The following STK3 variants were observed in gnomAD, a reference collection of about 807,000 sequenced individuals.
STK3 encodes the protein serine/threonine-protein kinase 3.
STK3 carries 41 observed loss-of-function variants against 58.0 expected under a neutral mutation model. The ratio of observed to expected loss-of-function variants is 0.71; its 90% CI spans 0.55 to 0.92. The LOEUF (loss-of-function observed/expected upper bound fraction) is 0.92. Ranked by LOEUF, STK3 falls within the 40% of genes least tolerant of loss-of-function variation. The pLI is 0.00. For missense variants in STK3, 479 were observed against 602.7 expected, an observed-to-expected ratio of 0.79 and a Z score of 2.15; for synonymous variants, 170 against 191.0, an observed-to-expected ratio of 0.89 and a Z score of 0.91.
Position 98,647,291 on chromosome 8 carries a change from A to C in STK3, c.685-51122T>G, listed in dbSNP as rs189304130. 4.6e-5 allele frequency among the ~76,000 whole-genome samples: 7 copies of C among 152,256 alleles called. No homozygotes were observed. In the East Asian group the frequency reaches 1.4e-3, roughly 29 times the overall value. Reference sequence around the variant, plus strand: ...CATATTTAAAATCACAAATTTGTCCACCAAAACTCCCTGTATCCTTCTTAG... The same window carrying C: ...CATATTTAAAATCACAAATTTGTCCCCCAAAACTCCCTGTATCCTTCTTAG... On this transcript the variant is annotated intron_variant, in intron 6 of 10. Coordinates refer to ENST00000419617, the MANE Select transcript of STK3 (RefSeq NM_006281.4).
intron 3 of STK3, among the ~76,000 whole-genome samples, chr8:98,845,556 T>G (rs1281765899): frequency 5.9e-5 from 9 of 152,252 alleles, no homozygotes; most frequent in Non-Finnish European, 1.3e-4. Flanking sequence ...AATCTGATAT[T>G]TTTCCGCTGA....
At chr8:98,910,380 CTT>C in intron 1 of STK3, among the ~76,000 whole-genome samples, 1 of 152,190 alleles carries the variant, frequency 6.6e-6, no homozygotes, top group East Asian at 1.9e-4. Context: ...TTTTTAGTAA[CTT>C]TTAAATATTC....
intron 10 of STK3, among the ~76,000 whole-genome samples, chr8:98,488,549 T>C: frequency 6.6e-6 from 1 of 152,212 alleles, no homozygotes; most frequent in South Asian, 2.1e-4. Flanking sequence ...CCAATGCTAA[T>C]GTTTAGTAGT....
chr8:98,563,895 G>A (rs929087260), intron 8 of STK3, among the ~76,000 whole-genome samples: 1 of 152,242 alleles, frequency 6.6e-6, no homozygotes, highest in East Asian at 1.9e-4. Context: ...AATCTCCTGT[G>A]TAGAAAAAAT....
intron 1 of STK3, among the ~76,000 whole-genome samples, chr8:98,898,539 T>C (rs1398055105): frequency 1.3e-5 from 2 of 152,174 alleles, no homozygotes; most frequent in African/African-American, 2.4e-5. Context: ...CCATAAACTC[T>C]TTTCTCTCTC....
chr8:98,413,075 G>A (rs751224290), intron 3 of STK3: 28 of 244,132 alleles, frequency 1.1e-4, no homozygotes, highest in East Asian at 6.5e-4. Context: ...GTGCAGTGGC[G>A]CGATCTTGGC....
At chr8:98,359,514 C>G in the STK3 span, among the ~76,000 whole-genome samples, 4 of 136,178 alleles carry the variant, frequency 2.9e-5, no homozygotes, top group Admixed American at 2.2e-4. Context: ...CAGAGCCAGA[C>G]TCTGGCTCAA....
chr8:98,586,697 G>T (rs1184858609), intron 7 of STK3, among the ~76,000 whole-genome samples: 2 of 151,942 alleles, frequency 1.3e-5, no homozygotes, highest in East Asian at 1.9e-4. Flanking sequence ...TGTACCTCTG[G>T]TAGAATTAGG....
chr8:98,704,308 C>T (rs1188255751), intron 6 of STK3, among the ~76,000 whole-genome samples: 1 of 152,132 alleles, frequency 6.6e-6, no homozygotes, highest in Non-Finnish European at 1.5e-5. Flanking sequence ...CAGTTCAATA[C>T]TCTACTTTGT....
chr8:98,923,694 A>G (rs963526682), intron 1 of STK3, among the ~76,000 whole-genome samples: 1 of 152,162 alleles, frequency 6.6e-6, no homozygotes, highest in African/African-American at 2.4e-5. Flanking sequence ...AATAAGATGG[A>G]ATACCCTTTA....
intron 3 of STK3, among the ~76,000 whole-genome samples, chr8:98,394,612 G>T (rs746934768): frequency 6.6e-6 from 1 of 152,226 alleles, no homozygotes; most frequent in Non-Finnish European, 1.5e-5. Context: ...TTGGTAGATT[G>T]TGTTTACTTT....
intron 1 of STK3, among the ~76,000 whole-genome samples, chr8:98,897,014 AGAAAG>A: frequency 2.3e-5 from 2 of 87,460 alleles, no homozygotes; most frequent in Admixed American, 3.6e-4. Context: ...ATAAAAGAAA[AGAAAG>A]AGAAAGAGAA....
At chr8:98,905,561 G>A (rs1418458624) in intron 1 of STK3, 3 of 1,078,666 alleles carry the variant, frequency 2.8e-6, no homozygotes, top group East Asian at 2.4e-5. Context: ...GTACAAAGCC[G>A]TAGTTCTTAA....
chr8:98,820,519 A>G (rs1834821540), intron 1 of STK3, among the ~76,000 whole-genome samples: 1 of 152,188 alleles, frequency 6.6e-6, no homozygotes, highest in African/African-American at 2.4e-5. Context: ...CAAGTATTAA[A>G]TATATTTTCA....
At chr8:98,402,087 C>T (rs925860170) in intron 3 of STK3, among the ~76,000 whole-genome samples, 1 of 152,054 alleles carries the variant, frequency 6.6e-6, no homozygotes, top group African/African-American at 2.4e-5. Flanking sequence ...CTATACTTCC[C>T]CAGGTATAAT....
intron 3 of STK3, among the ~76,000 whole-genome samples, chr8:98,838,155 A>T (rs1473493409): frequency 6.6e-6 from 1 of 151,946 alleles, no homozygotes; most frequent in African/African-American, 2.4e-5. Context: ...AGGCAGAAGA[A>T]TCGCTTGAAC....
chr8:98,658,226 A>T (rs2130770314), intron 6 of STK3, among the ~76,000 whole-genome samples: 1 of 152,154 alleles, frequency 6.6e-6, no homozygotes, highest in Non-Finnish European at 1.5e-5. Flanking sequence ...AAATCCAAAA[A>T]AGTAATTCCC....
intron 2 of STK3, among the ~76,000 whole-genome samples, chr8:98,378,070 A>T (rs1436232858): frequency 1.3e-5 from 2 of 152,224 alleles, no homozygotes; most frequent in Non-Finnish European, 2.9e-5. Context: ...AGAGAGGAGG[A>T]AAAGAAGCAA....
chr8:98,572,297 T>TCTAA (rs1813029016), intron 8 of STK3, among the ~76,000 whole-genome samples: 1 of 152,218 alleles, frequency 6.6e-6, no homozygotes, highest in Non-Finnish European at 1.5e-5. Flanking sequence ...ACAAATCCTG[T>TCTAA]ATGCCTGCTT....
Sources: allele counts gnomAD v4.1 joint callset (sites outside exome capture counted in the v4.1 genomes callset), GRCh38; gene constraint gnomAD v4.1.1; transcripts MANE v1.5; gene names NCBI Gene and HGNC (gene_info 2026-07-23, HGNC 2026-07-21).